PAPPA2: variants seen among roughly 807,000 people sequenced by gnomAD.
The protein encoded by PAPPA2 is pappalysin-2.
In PAPPA2, 86 loss-of-function variants were observed where a neutral mutation model predicts 176.4. The observed-to-expected ratio is 0.49, with a 90% CI of 0.41 to 0.58. The LOEUF is 0.58. Ranked by LOEUF, PAPPA2 falls within the 20% of genes least tolerant of loss-of-function variation. The pLI is 0.00. For missense variants in PAPPA2, 2,073 were observed against 2,256.9 expected (o/e 0.92, Z 1.65); for synonymous variants, 809 against 852.2 (o/e 0.95, Z 0.88).
At chr1:176,601,715 T>A (rs1311519224) in intron 3 of PAPPA2, among the ~76,000 whole-genome samples, 1 of 152,216 alleles carries the variant, frequency 6.6e-6, no homozygotes, top group African/African-American at 2.4e-5. Flanking sequence ...ATCACAAATG[T>A]CATTGACTAT....
Position 176,690,153 on chromosome 1 carries a change from C to T in PAPPA2, c.2154C>T (p.Ser718=). Residue 718 remains serine (S), a synonymous_variant, in exon 5 of 23, where the codon AGC becomes AGT. Coordinates refer to ENST00000367662, the MANE Select transcript of PAPPA2 (RefSeq NM_020318.3). Reference sequence around the variant, plus strand: ...TCATTGCAGGTGGCATTGTCCTCAGCCCAGCATATTATGGGATGCCTGGCC... The same window carrying T: ...TCATTGCAGGTGGCATTGTCCTCAGTCCAGCATATTATGGGATGCCTGGCC... ...AVTHLGGIVL[S]PAYYGMPGHT... 1 of 1,611,692 alleles carries T rather than the reference C, an allele frequency of 6.2e-7. No individual in the cohort carries two copies. Among genetic ancestry groups the T allele is most frequent in the Non-Finnish European group, 8.5e-7 (1 of 1,178,114 alleles).
At chr1:176,676,957 G>A (rs1365499164) in intron 4 of PAPPA2, among the ~76,000 whole-genome samples, 1 of 152,028 alleles carries the variant, frequency 6.6e-6, no homozygotes, top group Non-Finnish European at 1.5e-5. Flanking sequence ...AAAGAAACAA[G>A]GGATATTTAT....
intron 10 of PAPPA2, among the ~76,000 whole-genome samples, chr1:176,707,860 C>T (rs1660944374): frequency 6.6e-6 from 1 of 152,084 alleles, no homozygotes; most frequent in African/African-American, 2.4e-5. Flanking sequence ...CTCCATTATT[C>T]TCCTTTCCAA....
intron 3 of PAPPA2, among the ~76,000 whole-genome samples, chr1:176,638,623 C>T (rs1256179410): frequency 3.3e-5 from 5 of 151,986 alleles, no homozygotes; most frequent in Non-Finnish European, 5.9e-5. Flanking sequence ...CTTCATGGCG[C>T]ACTGTAGATG....
chr1:176,541,274 C>T (rs1183928536), intron 1 of PAPPA2, among the ~76,000 whole-genome samples: 2 of 152,224 alleles, frequency 1.3e-5, no homozygotes, highest in Non-Finnish European at 2.9e-5. Context: ...GATTTCTCCA[C>T]TTGTGGATCT....
intron 1 of PAPPA2, among the ~76,000 whole-genome samples, chr1:176,502,874 T>G (rs1648044390): frequency 6.6e-6 from 1 of 152,152 alleles, no homozygotes; most frequent in African/African-American, 2.4e-5. Flanking sequence ...TGTCGTAGGT[T>G]TTTCTTCCAG....
intron 4 of PAPPA2, among the ~76,000 whole-genome samples, chr1:176,689,328 G>T (rs1173855602): frequency 6.6e-6 from 1 of 152,170 alleles, no homozygotes; most frequent in Admixed American, 6.5e-5. Context: ...TCTCATCTAA[G>T]CCTGATTGGA....
At chr1:176,522,202 T>A (rs553359943) in intron 1 of PAPPA2, among the ~76,000 whole-genome samples, 1 of 152,348 alleles carries the variant, frequency 6.6e-6, no homozygotes, top group African/African-American at 2.4e-5. Context: ...TCTTTGTGAC[T>A]AACAGACTAA....
In PAPPA2 at chr1:176,822,956, C is replaced by T. The variant is rs566992969; in HGVS notation, c.5203-17217C>T. Among the ~76,000 whole-genome samples the T allele has an allele frequency of 8.5e-5, 13 of 152,302 alleles. No individual in the cohort carries two copies. The South Asian group carries it at 2.7e-3, about 32-fold the overall frequency. On this transcript the variant is annotated intron_variant, in intron 21 of 22. Coordinates refer to ENST00000367662, the MANE Select transcript of PAPPA2 (RefSeq NM_020318.3). ...TTAAGGTAATAACCACCAACTAATC[C>T]TAGTAATATTCTTCTTCAAAACTTC...
At chr1:176,524,662 A>G (rs1221235515) in intron 1 of PAPPA2, among the ~76,000 whole-genome samples, 5 of 152,112 alleles carry the variant, frequency 3.3e-5, no homozygotes, top group Non-Finnish European at 5.9e-5. Flanking sequence ...TTTCTAGGTA[A>G]ATAAGGTGTG....
chr1:176,550,378 G>A (rs1259947512), intron 1 of PAPPA2, among the ~76,000 whole-genome samples: 2 of 152,182 alleles, frequency 1.3e-5, no homozygotes, highest in African/African-American at 4.8e-5. Flanking sequence ...AGAGATTCCA[G>A]GTACAAAGGC....
chr1:176,472,429 A>G (rs535437679), intron 1 of PAPPA2, among the ~76,000 whole-genome samples: 20 of 152,290 alleles, frequency 1.3e-4, no homozygotes, highest in Non-Finnish European at 2.6e-4. Flanking sequence ...ACATGATCCT[A>G]GTAGTCTTTA....
chr1:176,537,719 AGTGTGTGT>A (rs57602344), intron 1 of PAPPA2, among the ~76,000 whole-genome samples: 7 of 143,928 alleles, frequency 4.9e-5, no homozygotes, highest in East Asian at 2.1e-4. Context: ...GTAGGTATGG[AGTGTGTGT>A]GTGTGTGTGT....
intron 4 of PAPPA2, among the ~76,000 whole-genome samples, chr1:176,684,809 A>G (rs554502228): frequency 1.2e-4 from 19 of 152,276 alleles, no homozygotes; most frequent in African/African-American, 4.6e-4. Context: ...TTCCTCTTGC[A>G]ATTAGCAGCC....
chr1:176,513,221 T>C (rs1228728243), intron 1 of PAPPA2, among the ~76,000 whole-genome samples: 1 of 152,156 alleles, frequency 6.6e-6, no homozygotes, highest in Non-Finnish European at 1.5e-5. Flanking sequence ...ACTGATTCAG[T>C]TTCTCTGGAG....
intron 1 of PAPPA2, among the ~76,000 whole-genome samples, chr1:176,514,092 G>C (rs1324591617): frequency 1.3e-5 from 2 of 152,176 alleles, no homozygotes; most frequent in Non-Finnish European, 2.9e-5. Flanking sequence ...AAGAATATCT[G>C]AGACTGGGTA....
At chr1:176,732,433 T>C (rs1002199690) in intron 12 of PAPPA2, among the ~76,000 whole-genome samples, 1 of 152,202 alleles carries the variant, frequency 6.6e-6, no homozygotes, top group Non-Finnish European at 1.5e-5. Context: ...AAATGATGCA[T>C]TTGGATTGGA....
intron 3 of PAPPA2, among the ~76,000 whole-genome samples, chr1:176,601,745 G>C (rs1398277500): frequency 6.6e-6 from 1 of 152,176 alleles, no homozygotes; most frequent in Non-Finnish European, 1.5e-5. Context: ...TACATACTAG[G>C]GAGCTCAGCC....
chr1:176,585,366 G>T (rs1653246458), intron 2 of PAPPA2, among the ~76,000 whole-genome samples: 1 of 151,896 alleles, frequency 6.6e-6, no homozygotes, highest in Non-Finnish European at 1.5e-5. Flanking sequence ...CTGCAATTAG[G>T]CTAATGGGTA....
Sources: gnomAD v4.1 joint callset for allele counts (sites outside exome capture counted in the v4.1 genomes callset) on GRCh38, gnomAD v4.1.1 for gene constraint, MANE v1.5 for transcripts, NCBI Gene and HGNC (gene_info 2026-07-23, HGNC 2026-07-21) for gene names.